Variants in LRRC27 observed in about 807,000 individuals in gnomAD.
The protein encoded by LRRC27 is leucine rich repeat containing 27, also known as leucine-rich repeat-containing protein 27.
Under a neutral mutation model 55.0 loss-of-function variants are expected in LRRC27, and 57 were observed. The ratio of observed to expected loss-of-function variants is 1.04; its 90% CI spans 0.84 to 1.29. LRRC27 has a LOEUF of 1.29. Ranked by LOEUF, LRRC27 falls within the 50% of genes most tolerant of loss-of-function variation. LRRC27 has a pLI of 0.00. For synonymous variants in LRRC27, 278 were observed against 251.9 expected (o/e 1.10, Z -0.98); for missense variants, 721 against 651.5 (o/e 1.11, Z -1.16).
rs1173954133 is a variant in LRRC27 at position 132,381,379 on chromosome 10, T to C, written c.*6137T>C. ...GGCTGCACTGTCGGCTTCCCTCCTT[T>C]AGAGGTTTGGGGACTCAGACTGAGC... On this transcript the variant is annotated 3_prime_UTR_variant, in exon 11 of 11. Coordinates refer to ENST00000368614, the MANE Select transcript of LRRC27 (RefSeq NM_030626.3). Among the ~76,000 whole-genome samples the C allele has an allele frequency of 6.6e-6, 1 of 152,238 alleles. No individual in the cohort carries two copies. The highest frequency in any genetic ancestry group is 2.4e-5 in the African/African-American group (1 of 41,466).
chr10:132,336,406 G>A (rs1173097966), intron 2 of LRRC27, among the ~76,000 whole-genome samples: 6 of 152,182 alleles, frequency 3.9e-5, no homozygotes, highest in African/African-American at 9.7e-5. Context: ...GCAGTGACTC[G>A]GGCAATTTCC....
chr10:132,343,415 A>T (rs1278285189), intron 4 of LRRC27, among the ~76,000 whole-genome samples: 2 of 152,266 alleles, frequency 1.3e-5, no homozygotes, highest in Non-Finnish European at 2.9e-5. Flanking sequence ...GAACCCTTAC[A>T]CAGTTTTAGA....
intron 2 of LRRC27, chr10:132,337,255 C>T: frequency 8.4e-7 from 1 of 1,188,396 alleles, no homozygotes; most frequent in East Asian, 5.0e-5. Context: ...GTGTGGGGCC[C>T]CGGAATTCAG....
rs1172685181 is a variant in LRRC27 at position 132,375,145 on chromosome 10, C to T, written c.1496C>T (p.Thr499Ile). The T allele has an allele frequency of 3.7e-6, 6 of 1,614,156 alleles. No individual in the cohort carries two copies. In the East Asian group the frequency reaches 1.3e-4, roughly 36 times the overall value. ...AAAGATCGTCGACGGGCGGCCCTCA[C>T]TGGAAACCTTTCGCTTGGCCTGCCG... is the stretch of plus-strand genomic sequence containing the variant. The part of the protein sequence containing the change: ...LNKDRRRAAL[T>I]GNLSLGLPAA... The change falls in exon 11 of 11, where the codon ACT becomes ATT. Residue 499 changes from threonine (T) to isoleucine (I), a missense_variant. By Grantham distance (89) the Thr-to-Ile change is moderately conservative (BLOSUM62 -1). Transcript: ENST00000368614.
chr10:132,378,100 A>G lies in LRRC27; in HGVS notation c.*2858A>G, dbSNP rs933336001. On this transcript the variant is annotated 3_prime_UTR_variant, in exon 11 of 11. Transcript: ENST00000368614. ...TGAGGCGGGAGAATGGCGTGAACCC[A>G]GGAGACGGAGCTTGCAGTGAGCCGA... 2.6e-5 allele frequency: 4 copies of G among 151,884 alleles called. No individual in the cohort carries two copies. The highest frequency in any genetic ancestry group is 4.4e-5 in the Non-Finnish European group (3 of 67,976). The allele number at this position is 151,884 out of a possible 1,614,324, so 9.4% of individuals were successfully genotyped here.
chr10:132,375,173 A>C lies in LRRC27; in HGVS notation c.1524A>C (p.Ala508=), dbSNP rs890081849. 5 of 1,614,050 alleles carry C rather than the reference A, an allele frequency of 3.1e-6. No individual in the cohort carries two copies. In the Admixed American group the frequency reaches 8.3e-5, roughly 27 times the overall value. Reference sequence around the variant, plus strand: ...GAAACCTTTCGCTTGGCCTGCCGGCAGCACAGCCTCAAAATACATTTTTTA... The same window carrying C: ...GAAACCTTTCGCTTGGCCTGCCGGCCGCACAGCCTCAAAATACATTTTTTA... ...LTGNLSLGLP[A]AQPQNTFFNT... Residue 508 remains alanine, a synonymous_variant, in exon 11 of 11, where the codon GCA becomes GCC. Transcript: ENST00000368614.
chr10:132,371,244 C>T (rs1487210351), intron 10 of LRRC27, among the ~76,000 whole-genome samples: 3 of 152,206 alleles, frequency 2.0e-5, no homozygotes, highest in African/African-American at 4.8e-5. Context: ...CCCATGCACC[C>T]GGGAGCCTGG....
chr10:132,337,396 T>C (rs1010300002), intron 2 of LRRC27, 169 bp from the exon 3 acceptor site: 12 of 1,392,688 alleles, frequency 8.6e-6, no homozygotes, highest in Non-Finnish European at 1.1e-5. Flanking sequence ...TCTGATTCTT[T>C]TGTCTACTGT....
In LRRC27 at chr10:132,365,287, C is replaced by T. The variant is rs552030661; in HGVS notation, c.1290-137C>T. ...CCCAGGGCAGCGCCACAGTAACTGG[C>T]ACAGCTGTGCGGGAGCCTCAGGACC... On this transcript the variant is annotated intron_variant, in intron 9 of 10. Coordinates refer to ENST00000368614, the MANE Select transcript of LRRC27 (RefSeq NM_030626.3). 5 of 1,194,388 alleles carry T rather than the reference C, an allele frequency of 4.2e-6. No homozygotes were observed. In the African/African-American group the frequency reaches 7.5e-5, roughly 18 times the overall value. The allele number at this position is 1,194,388 out of a possible 1,614,324, so 74.0% of individuals were successfully genotyped here.
chr10:132,350,071 G>A (rs983395728), intron 6 of LRRC27, among the ~76,000 whole-genome samples: 2 of 152,230 alleles, frequency 1.3e-5, no homozygotes, highest in African/African-American at 4.8e-5. Flanking sequence ...TCTCTGGCCA[G>A]GGAGCAGTGG....
intron 2 of LRRC27, among the ~76,000 whole-genome samples, chr10:132,335,959 A>G (rs898449156): frequency 2.0e-5 from 3 of 152,178 alleles, no homozygotes; most frequent in Non-Finnish European, 4.4e-5. Context: ...ACAAGCAGGC[A>G]TCGGCTATCC....
At chr10:132,347,002 G>A (rs1014390917) in intron 5 of LRRC27, among the ~76,000 whole-genome samples, 1 of 152,214 alleles carries the variant, frequency 6.6e-6, no homozygotes, top group Non-Finnish European at 1.5e-5. Context: ...CCTTCAGGTC[G>A]TGCTGGGCAC....
At chr10:132,353,225 G>A in intron 7 of LRRC27, 2 of 1,330,010 alleles carry the variant, frequency 1.5e-6, no homozygotes, top group Non-Finnish European at 1.9e-6. Context: ...TTTGTGAGCT[G>A]CCTGGAGCTG....
upstream of LRRC27, chr10:132,330,431 C>T (rs182844657): frequency 9.2e-5 from 66 of 717,236 alleles, no homozygotes; most frequent in East Asian, 8.0e-4. Context: ...TTGCTCTGCC[C>T]GGGTGGCTGG....
chr10:132,364,357 ACACCCGCGCTTACACC>A lies in LRRC27; in HGVS notation c.1290-1061_1290-1046del, dbSNP rs79669722. On this transcript the variant is annotated intron_variant, in intron 9 of 10. Coordinates refer to ENST00000368614, the MANE Select transcript of LRRC27 (RefSeq NM_030626.3). ...CCACACCCACACTTAATCTACCTCC[ACACCCGCGCTTACACC>A]CACCCACACTTACACCCACCCTTAC... is the stretch of plus-strand genomic sequence containing the variant. Among the ~76,000 whole-genome samples the A allele has an allele frequency of 2.4e-3, 87 of 36,908 alleles. 4 individuals are homozygous for A. The highest frequency in any genetic ancestry group is 7.1e-3 in the East Asian group (2 of 280). 24.2% of individuals were successfully genotyped at this position (36,908 alleles called of 152,430 possible). A position where few individuals can be genotyped will look rare whatever the true frequency, so the allele number is the denominator to read the frequency against.
At chr10:132,342,505 T>C (rs561687734) in intron 4 of LRRC27, among the ~76,000 whole-genome samples, 54 of 152,316 alleles carry the variant, frequency 3.5e-4, no homozygotes, top group Non-Finnish European at 7.4e-4. Flanking sequence ...GTGAGGGCCA[T>C]TGGCGCCGTC....
At chr10:132,331,934 CAA>C (rs1491116579), upstream of LRRC27, 101,418 of 616,330 alleles carry the variant, frequency 0.16, 10,799 homozygotes, top group Non-Finnish European at 0.21. Flanking sequence ...ACCGCAAGCG[CAA>C]CCCCCCGCCC....
intron 7 of LRRC27, chr10:132,352,928 T>A (rs1564840907): frequency 6.2e-7 from 1 of 1,613,856 alleles, no homozygotes; most frequent in Non-Finnish European, 8.5e-7. Flanking sequence ...CCTGACACGG[T>A]CATCAGGGAG....
intron 4 of LRRC27, among the ~76,000 whole-genome samples, chr10:132,343,423 A>G (rs990159003): frequency 3.3e-5 from 5 of 152,280 alleles, no homozygotes; most frequent in African/African-American, 1.2e-4. Context: ...ACACAGTTTT[A>G]GAGAAAACAG....
Sources: allele counts gnomAD v4.1 joint callset (sites outside exome capture counted in the v4.1 genomes callset), GRCh38; gene constraint gnomAD v4.1.1; transcripts MANE v1.5; gene names NCBI Gene and HGNC (gene_info 2026-07-23, HGNC 2026-07-21).